Variants in HDLBP observed in about 807,000 individuals in gnomAD.
HDLBP encodes vigilin.
Under a neutral mutation model 137.3 loss-of-function variants are expected in HDLBP, and 30 were observed. The ratio of observed to expected loss-of-function variants is 0.22; its 90% CI spans 0.16 to 0.30. HDLBP has a LOEUF of 0.30. HDLBP is among the 10% of genes least tolerant of loss of function. The pLI, the probability that HDLBP is intolerant of heterozygous loss-of-function variation, is 1.00. For synonymous variants in HDLBP, 606 were observed against 596.0 expected (o/e 1.02, Z -0.24); for missense variants, 1,119 against 1,667.3 (o/e 0.67, Z 5.73).
At chr2:241,260,419 G>A (rs1187689919) in intron 5 of HDLBP, among the ~76,000 whole-genome samples, 1 of 152,224 alleles carries the variant, frequency 6.6e-6, no homozygotes, top group Non-Finnish European at 1.5e-5. Context: ...GATGGACAAT[G>A]CCTGAGTTCA....
At chr2:241,313,525 C>T (rs1410079195) in intron 1 of HDLBP, among the ~76,000 whole-genome samples, 2 of 152,122 alleles carry the variant, frequency 1.3e-5, no homozygotes, top group Admixed American at 6.5e-5. Context: ...AGTGTCCACC[C>T]GCCTCGACCT....
chr2:241,234,064 G>A (rs2070109242), intron 23 of HDLBP, 101 bp from the exon 24 acceptor site: 1 of 1,378,928 alleles, frequency 7.3e-7, no homozygotes, highest in Admixed American at 1.8e-5. Context: ...AGATGCTGCA[G>A]TGTTCTGTAA....
At chr2:241,273,079 AAAC>A in intron 1 of HDLBP, 1 of 985,532 alleles carries the variant, frequency 1.0e-6, no homozygotes, top group Non-Finnish European at 1.2e-6. Flanking sequence ...ACCCGAGTGG[AAAC>A]AACCGAAGAC....
chr2:241,272,876 C>A lies in HDLBP; in HGVS notation c.-102-4335G>T, dbSNP rs946739113. The A allele has an allele frequency of 1.3e-5, 5 of 397,978 alleles. No individual in the cohort carries two copies. The highest frequency in any genetic ancestry group is 1.1e-4 in the African/African-American group (5 of 45,678). The allele number at this position is 397,978 out of a possible 1,614,324, so 24.7% of individuals were successfully genotyped here. A position where few individuals can be genotyped will look rare whatever the true frequency, so the allele number is the denominator to read the frequency against. Reference sequence around the variant, plus strand: ...CCGGCTGCTATATAGGGCGGCGGCCCAATCCCGCCTGGACACGTCAGCGCC... The same window carrying A: ...CCGGCTGCTATATAGGGCGGCGGCCAAATCCCGCCTGGACACGTCAGCGCC... On this transcript the variant is annotated intron_variant, in intron 1 of 27. Coordinates refer to ENST00000310931, the MANE Select transcript of HDLBP (RefSeq NM_005336.6). The surrounding 1 kb of genome is among the most constrained non-coding windows in gnomAD (Gnocchi z 5.6).
intron 1 of HDLBP, among the ~76,000 whole-genome samples, chr2:241,288,613 C>T (rs1405716977): frequency 6.6e-6 from 1 of 152,148 alleles, no homozygotes; most frequent in African/African-American, 2.4e-5. Context: ...AGAAACAAAC[C>T]ACTGCTTCTA....
At chr2:241,261,432 T>C (rs533084970) in intron 5 of HDLBP, among the ~76,000 whole-genome samples, 2 of 152,272 alleles carry the variant, frequency 1.3e-5, no homozygotes, top group Middle Eastern at 6.8e-3. Flanking sequence ...AATGACTATA[T>C]ATATGTATAC....
chr2:241,286,639 A>G (rs1013722593), intron 1 of HDLBP, among the ~76,000 whole-genome samples: 1 of 152,180 alleles, frequency 6.6e-6, no homozygotes, highest in Non-Finnish European at 1.5e-5. Flanking sequence ...CCTTGGGCAC[A>G]CGTCATCAGG....
chr2:241,254,782 A>G (rs2072483334), intron 9 of HDLBP, among the ~76,000 whole-genome samples: 1 of 152,186 alleles, frequency 6.6e-6, no homozygotes, highest in Non-Finnish European at 1.5e-5. Context: ...TTACTAAATG[A>G]CATGTTTCTT....
rs534370288 is a variant in HDLBP, at chr2:241,253,381, G to A, written c.1293+12C>T. The A allele has an allele frequency of 5.1e-5, 80 of 1,557,674 alleles. 2 individuals are homozygous for A. The South Asian group carries it at 8.8e-4, about 17-fold the overall frequency. Reference sequence around the variant, plus strand: ...GTCACCAGCACACACAACATTCCAAGGGGTACCTTACCAAATCTTTGACCA... The same window carrying A: ...GTCACCAGCACACACAACATTCCAAAGGGTACCTTACCAAATCTTTGACCA... On this transcript the variant is annotated intron_variant, in intron 10 of 27. Coordinates refer to ENST00000310931, the MANE Select transcript of HDLBP (RefSeq NM_005336.6).
intron 1 of HDLBP, among the ~76,000 whole-genome samples, chr2:241,306,614 C>A (rs926791018): frequency 6.6e-6 from 1 of 152,018 alleles, no homozygotes; most frequent in Non-Finnish European, 1.5e-5. Context: ...CAAAAAGTAC[C>A]CCAAGTCAGG....
chr2:241,297,258 C>T (rs577073271), intron 1 of HDLBP, among the ~76,000 whole-genome samples: 6 of 152,128 alleles, frequency 3.9e-5, no homozygotes, highest in East Asian at 3.9e-4. Context: ...GAGGAGGCAG[C>T]GGGCATCCAA....
rs2072624166 is a variant in HDLBP at position 241,256,488 on chromosome 2, C to T, written c.658-89G>A. ...CTTTTTAGAGTTGGAGTCAAGCCCT[C>T]CACCCCCACCACATTATGCCTTGAA... is the stretch of plus-strand genomic sequence containing the variant. On this transcript the variant is annotated intron_variant, in intron 6 of 27. Coordinates refer to ENST00000310931, the MANE Select transcript of HDLBP (RefSeq NM_005336.6). The T allele has an allele frequency of 6.7e-6, 10 of 1,482,726 alleles. No homozygotes were observed. The South Asian group carries it at 1.1e-4, about 16-fold the overall frequency. 91.8% of individuals were successfully genotyped at this position (1,482,726 alleles called of 1,614,324 possible). A position where few individuals can be genotyped will look rare whatever the true frequency, so the allele number is the denominator to read the frequency against.
At chr2:241,289,987 C>T (rs1405463572) in intron 1 of HDLBP, among the ~76,000 whole-genome samples, 2 of 152,074 alleles carry the variant, frequency 1.3e-5, no homozygotes, top group Admixed American at 1.3e-4. Flanking sequence ...AGTAACACAA[C>T]TTCAATATGC....
At chr2:241,309,482 A>G (rs1388252595) in intron 1 of HDLBP, among the ~76,000 whole-genome samples, 2 of 152,240 alleles carry the variant, frequency 1.3e-5, no homozygotes, top group Non-Finnish European at 1.5e-5. Flanking sequence ...ACATTAAAAT[A>G]CTGGAGGCTA....
rs2069313853 is a variant in HDLBP, at chr2:241,228,184, A to G, written c.*1417T>C. 6.6e-6 allele frequency: 1 copy of G among 152,402 alleles called. No homozygotes were observed. Among genetic ancestry groups the G allele is most frequent in the Non-Finnish European group, 1.5e-5 (1 of 68,082 alleles). The allele number at this position is 152,402 out of a possible 1,614,324, so 9.4% of individuals were successfully genotyped here. On this transcript the variant is annotated 3_prime_UTR_variant, in exon 28 of 28. Coordinates refer to ENST00000310931, the MANE Select transcript of HDLBP (RefSeq NM_005336.6). The stretch of plus-strand genomic sequence containing the variant: ...TGGATGGGCGTGAGTCAGCTTTTCC[A>G]AAACTCAAGTACCTGGGACAGGACA...
At position 241,255,496 on chromosome 2, in the gene HDLBP, C is replaced by T. The variant is rs2072542747; in HGVS notation, c.958G>A (p.Glu320Lys). ...GAAACTCCAGTTCTCTCAAGGATCTCCTGCAATGAATTGCCCTTGGGCCCA... is the reference window on the plus strand; with the variant it reads ...GAAACTCCAGTTCTCTCAAGGATCTTCTGCAATGAATTGCCCTTGGGCCCA... ...VIGPKGNSLQ[E>K]ILERTGVSVE... The change falls in exon 8 of 28, where the codon GAG (glutamate) becomes AAG (lysine). Residue 320 changes from glutamate (E) to lysine (K), a missense_variant. This residue lies in a region of HDLBP where 425 missense variants were observed against 693.9 expected (regional missense o/e 0.61). Coordinates refer to ENST00000310931, the MANE Select transcript of HDLBP (RefSeq NM_005336.6). 4.3e-6 allele frequency: 7 copies of T among 1,613,974 alleles called. No individual in the cohort carries two copies. The highest frequency in any genetic ancestry group is 4.2e-6 in the Non-Finnish European group (5 of 1,179,836).
intron 12 of HDLBP, 73 bp downstream of exon 12, chr2:241,249,768 C>T (rs2071974567): frequency 7.0e-7 from 1 of 1,426,618 alleles, no homozygotes; most frequent in African/African-American, 1.4e-5. Flanking sequence ...CACACCACAA[C>T]ACGCTACTCC....
intron 1 of HDLBP, among the ~76,000 whole-genome samples, chr2:241,289,058 C>T (rs542307936): frequency 1.3e-5 from 2 of 152,316 alleles, no homozygotes; most frequent in South Asian, 2.1e-4. Flanking sequence ...AGCTAGCTAA[C>T]GCCATGGGTG....
Position 241,255,078 on chromosome 2 carries a change from C to T in HDLBP, c.1161G>A (p.Leu387=). 6.2e-7 allele frequency: 1 copy of T among 1,614,048 alleles called. No homozygotes were observed. The highest frequency in any genetic ancestry group is 8.5e-7 in the Non-Finnish European group (1 of 1,179,958). ...RFIIGKKGQN[L]AKITQQMPKV... ...TTGGCATCTGCTGAGTGATTTTGGCCAGGTTCTGCCCTTTCTTGCCAATGA... is the reference window on the plus strand; with the variant it reads ...TTGGCATCTGCTGAGTGATTTTGGCTAGGTTCTGCCCTTTCTTGCCAATGA... Residue 387 remains leucine, a synonymous_variant, in exon 9 of 28, where the codon CTG becomes CTA. Coordinates refer to ENST00000310931, the MANE Select transcript of HDLBP (RefSeq NM_005336.6).
Sources: allele counts gnomAD v4.1 joint callset (sites outside exome capture counted in the v4.1 genomes callset), GRCh38; gene constraint gnomAD v4.1.1; regional missense constraint gnomAD v4.1.1; non-coding constraint Gnocchi (gnomAD v3.1); transcripts MANE v1.5; gene names NCBI Gene and HGNC (gene_info 2026-07-23, HGNC 2026-07-21).